The following DLGAP2 variants were observed in gnomAD, a reference collection of about 807,000 sequenced individuals.
The protein encoded by DLGAP2 is disks large-associated protein 2.
Under a neutral mutation model 100.3 loss-of-function variants are expected in DLGAP2, and 26 were observed. The ratio of observed to expected loss-of-function variants is 0.26; its 90% CI spans 0.19 to 0.36. DLGAP2 has a LOEUF of 0.36. Among genes scored for constraint, DLGAP2 ranks in the 10% least tolerant of loss-of-function variants. DLGAP2 has a pLI of 1.00. For missense variants in DLGAP2, 1,858 were observed against 1,453.2 expected (o/e 1.28, Z -4.53); for synonymous variants, 886 against 630.1 (o/e 1.41, Z -6.08).
chr8:1,251,884 G>T (rs1167969406), intron 2 of DLGAP2, among the ~76,000 whole-genome samples: 1 of 152,190 alleles, frequency 6.6e-6, no homozygotes, highest in African/African-American at 2.4e-5. Context: ...CATGTGTCCT[G>T]TACCCACGTC....
At chr8:1,373,315 C>G (rs892218610) in intron 3 of DLGAP2, among the ~76,000 whole-genome samples, 13 of 151,876 alleles carry the variant, frequency 8.6e-5, no homozygotes, top group African/African-American at 2.4e-4. Context: ...CGGGCGGCAG[C>G]TGACGGGCGG....
intron 3 of DLGAP2, among the ~76,000 whole-genome samples, chr8:1,366,615 C>T (rs1280318258): frequency 6.6e-6 from 1 of 152,140 alleles, no homozygotes; most frequent in Non-Finnish European, 1.5e-5. Flanking sequence ...GGCACAGGAA[C>T]AGAGCAGGGG....
chr8:1,226,364 A>C (rs997732278), intron 2 of DLGAP2, among the ~76,000 whole-genome samples: 69 of 152,294 alleles, frequency 4.5e-4, no homozygotes, highest in African/African-American at 1.6e-3. Flanking sequence ...GCAAACTAAC[A>C]CAGGAAAAGA....
At chr8:1,210,860 C>A (rs1798089141) in intron 2 of DLGAP2, among the ~76,000 whole-genome samples, 1 of 152,154 alleles carries the variant, frequency 6.6e-6, no homozygotes, top group South Asian at 2.1e-4. Flanking sequence ...CTGTAGTTCC[C>A]CCTCCCTCCC....
chr8:1,502,181 G>T (rs939147350), intron 4 of DLGAP2, among the ~76,000 whole-genome samples: 1 of 152,194 alleles, frequency 6.6e-6, no homozygotes, highest in African/African-American at 2.4e-5. Context: ...GTTGCTGTCT[G>T]TGGTTATTCT....
chr8:927,089 G>T, intron 2 of DLGAP2: 2 of 985,456 alleles, frequency 2.0e-6, no homozygotes, highest in Non-Finnish European at 2.4e-6. Flanking sequence ...GAGGGCCCCA[G>T]TGGCCGGGAT....
chr8:831,796 T>C (rs530705955), intron 1 of DLGAP2, among the ~76,000 whole-genome samples: 1 of 152,314 alleles, frequency 6.6e-6, no homozygotes, highest in Non-Finnish European at 1.5e-5. Context: ...CCACACTGTC[T>C]TTCACAATGG....
chr8:1,344,109 A>ATGTATTCGGGGCCCTGTCGTGGGTCCG (rs1801486690), intron 3 of DLGAP2, among the ~76,000 whole-genome samples: 7 of 26,864 alleles, frequency 2.6e-4, no homozygotes, highest in South Asian at 2.5e-3. Context: ...TCGTGGGTCC[A>ATGTATTCGGGGCCCTGTCGTGGGTCCG]TGTATTCGGG....
intron 8 of DLGAP2, among the ~76,000 whole-genome samples, chr8:1,664,415 A>T (rs6558506): frequency 1.3e-5 from 2 of 151,860 alleles, no homozygotes; most frequent in African/African-American, 4.8e-5. Flanking sequence ...CTCTCTGGGC[A>T]TCCCTAGTCT....
intron 1 of DLGAP2, among the ~76,000 whole-genome samples, chr8:856,969 T>C (rs1165230490): frequency 6.6e-6 from 1 of 152,226 alleles, no homozygotes; most frequent in Admixed American, 6.5e-5. Flanking sequence ...ATCTCAAGAC[T>C]TACTGGAAAG....
intron 3 of DLGAP2, among the ~76,000 whole-genome samples, chr8:1,317,576 G>T (rs1235363164): frequency 7.7e-6 from 1 of 130,258 alleles, no homozygotes; most frequent in Non-Finnish European, 1.6e-5. Context: ...CGAGACACTC[G>T]GCAGCGTTTA....
chr8:837,071 G>T (rs987133950), intron 1 of DLGAP2, among the ~76,000 whole-genome samples: 1 of 152,202 alleles, frequency 6.6e-6, no homozygotes. Context: ...TCTCGACCAC[G>T]TCCCATCTCC....
At chr8:874,080 T>G (rs62486399) in intron 1 of DLGAP2, among the ~76,000 whole-genome samples, 2,627 of 152,296 alleles carry the variant, frequency 0.017, 22 homozygotes, top group Non-Finnish European at 0.024. Flanking sequence ...CTGATTCTAT[T>G]AAACTGAGAC....
chr8:1,316,283 C>T, intron 3 of DLGAP2, among the ~76,000 whole-genome samples: 1 of 134,522 alleles, frequency 7.4e-6, no homozygotes, highest in South Asian at 2.5e-4. Flanking sequence ...GCGAGTGCAG[C>T]GTCTCTCCAA....
chr8:903,241 T>G (rs1400957032), intron 1 of DLGAP2, among the ~76,000 whole-genome samples: 2 of 152,042 alleles, frequency 1.3e-5, no homozygotes, highest in Admixed American at 1.3e-4. Context: ...AAGGATGTTT[T>G]ATGAAGCTAC....
intron 8 of DLGAP2, among the ~76,000 whole-genome samples, chr8:1,654,658 T>A (rs1269557984): frequency 7.6e-6 from 1 of 131,706 alleles, no homozygotes; most frequent in Non-Finnish European, 1.6e-5. Flanking sequence ...TGAAACTCCG[T>A]CTCAAAAAAA....
At chr8:1,266,666 T>C (rs1468772896) in intron 3 of DLGAP2, among the ~76,000 whole-genome samples, 1 of 152,134 alleles carries the variant, frequency 6.6e-6, no homozygotes, top group African/African-American at 2.4e-5. Flanking sequence ...TACGCCTCCG[T>C]GGGTGCACCC....
intron 2 of DLGAP2, among the ~76,000 whole-genome samples, chr8:1,179,849 A>T (rs1797342653): frequency 6.6e-6 from 1 of 152,254 alleles, no homozygotes; most frequent in African/African-American, 2.4e-5. Flanking sequence ...GAATAGACTG[A>T]AAGATATTCA....
chr8:1,197,389 C>T (rs1206137002), intron 2 of DLGAP2, among the ~76,000 whole-genome samples: 5 of 152,232 alleles, frequency 3.3e-5, no homozygotes, highest in Admixed American at 3.3e-4. Context: ...CCTTTTCTTT[C>T]CGGGGAACCC....
Sources: gnomAD v4.1 joint callset for allele counts (sites outside exome capture counted in the v4.1 genomes callset) on GRCh38, gnomAD v4.1.1 for gene constraint, MANE v1.5 for transcripts, NCBI Gene and HGNC (gene_info 2026-07-23, HGNC 2026-07-21) for gene names.